The following ZNF608 variants were observed in gnomAD, a reference collection of about 807,000 sequenced individuals.
ZNF608 encodes the protein renal carcinoma antigen NY-REN-36.
In ZNF608, 12 loss-of-function variants were observed where a neutral mutation model predicts 109.0. That is an observed-to-expected ratio of 0.11 (90% CI 0.07 to 0.18). ZNF608 has a LOEUF of 0.18. Among genes scored for constraint, ZNF608 ranks in the 10% least tolerant of loss-of-function variants. The pLI, the probability that ZNF608 is intolerant of heterozygous loss-of-function variation, is 1.00. For missense variants in ZNF608, 1,707 were observed against 1,879.3 expected (o/e 0.91, Z 1.70); for synonymous variants, 732 against 717.4 (o/e 1.02, Z -0.33).
chr5:124,701,323 A>T, intron 2 of ZNF608, 54 bp from the exon 3 acceptor site: 2 of 1,593,426 alleles, frequency 1.3e-6, no homozygotes, highest in Non-Finnish European at 8.6e-7. Flanking sequence ...AATTCCTTTT[A>T]ATGCAATTTG....
intron 2 of ZNF608, among the ~76,000 whole-genome samples, chr5:124,740,569 T>C (rs1274429811): frequency 6.7e-6 from 1 of 149,756 alleles, no homozygotes; most frequent in Non-Finnish European, 1.5e-5. Context: ...GTTCTTAAAC[T>C]GCTCACACTC....
intron 8 of ZNF608, 132 bp from the exon 9 acceptor site, chr5:124,639,346 TGCA>T: frequency 1.4e-6 from 1 of 717,338 alleles, no homozygotes; most frequent in Non-Finnish European, 2.5e-6. Context: ...AACTGTTTCA[TGCA>T]GCAAGGACAC....
intron 2 of ZNF608, among the ~76,000 whole-genome samples, chr5:124,705,166 G>A (rs1042191744): frequency 6.6e-6 from 1 of 152,194 alleles, no homozygotes; most frequent in South Asian, 2.1e-4. Flanking sequence ...TCTCAGGTCA[G>A]TGATCCATAC....
At chr5:124,700,871 C>T in intron 3 of ZNF608, 143 bp downstream of exon 3, 1 of 1,163,198 alleles carries the variant, frequency 8.6e-7, no homozygotes, top group Non-Finnish European at 1.2e-6. Flanking sequence ...GCTCTTACTT[C>T]CAACACAAAT....
intron 3 of ZNF608, among the ~76,000 whole-genome samples, chr5:124,688,374 A>C (rs1398580399): frequency 6.6e-6 from 1 of 152,150 alleles, no homozygotes; most frequent in Non-Finnish European, 1.5e-5. Context: ...TTTTACTATA[A>C]GGAGAAAGTC....
At chr5:124,720,935 T>A (rs1753878386) in intron 2 of ZNF608, among the ~76,000 whole-genome samples, 1 of 151,776 alleles carries the variant, frequency 6.6e-6, no homozygotes, top group African/African-American at 2.4e-5. Flanking sequence ...TCTCTTACTT[T>A]TGAATAATGA....
chr5:124,708,635 G>A (rs1011271138), intron 2 of ZNF608: 1 of 445,222 alleles, frequency 2.2e-6, no homozygotes, highest in African/African-American at 2.0e-5. Flanking sequence ...TATTGTTGTT[G>A]TTTTAAATCA....
chr5:124,695,873 T>C (rs572950325), intron 3 of ZNF608, among the ~76,000 whole-genome samples: 2 of 151,890 alleles, frequency 1.3e-5, no homozygotes, highest in African/African-American at 4.8e-5. Flanking sequence ...TTTTAGAACA[T>C]CTCTGGTGAT....
chr5:124,660,359 T>G (rs898440689), intron 3 of ZNF608, among the ~76,000 whole-genome samples: 3 of 152,122 alleles, frequency 2.0e-5, no homozygotes, highest in African/African-American at 7.2e-5. Flanking sequence ...GAATGAGGCT[T>G]AAGTTGTTGG....
chr5:124,697,012 T>C (rs1752873876), intron 3 of ZNF608, among the ~76,000 whole-genome samples: 2 of 152,016 alleles, frequency 1.3e-5, no homozygotes, highest in African/African-American at 4.8e-5. Context: ...TAGTGGGTTT[T>C]AAAAGCTCCC....
At chr5:124,688,512 G>T (rs922312956) in intron 3 of ZNF608, among the ~76,000 whole-genome samples, 1 of 152,150 alleles carries the variant, frequency 6.6e-6, no homozygotes. Flanking sequence ...AACTGAGATG[G>T]GCAGTCTCAT....
At chr5:124,699,237 G>C (rs987526233) in intron 3 of ZNF608, among the ~76,000 whole-genome samples, 12 of 152,076 alleles carry the variant, frequency 7.9e-5, no homozygotes, top group African/African-American at 2.7e-4. Context: ...TTCCCTTAGA[G>C]AAAATCTAAG....
intron 7 of ZNF608, among the ~76,000 whole-genome samples, chr5:124,642,152 T>C (rs1269389931): frequency 6.6e-6 from 1 of 152,220 alleles, no homozygotes; most frequent in African/African-American, 2.4e-5. Flanking sequence ...CTCACACACA[T>C]TGCAGATACT....
intron 1 of ZNF608, among the ~76,000 whole-genome samples, chr5:124,745,826 C>T (rs962043400): frequency 6.6e-6 from 1 of 152,142 alleles, no homozygotes; most frequent in East Asian, 1.9e-4. Flanking sequence ...ACAGCTTCTA[C>T]AATTTCTTTT....
At chr5:124,713,523 T>C (rs1433706550) in intron 2 of ZNF608, among the ~76,000 whole-genome samples, 1 of 152,254 alleles carries the variant, frequency 6.6e-6, no homozygotes, top group African/African-American at 2.4e-5. Flanking sequence ...CATCAGTAGA[T>C]CTGTATTACC....
intron 3 of ZNF608, among the ~76,000 whole-genome samples, chr5:124,683,934 G>A (rs889111353): frequency 1.3e-5 from 2 of 152,182 alleles, no homozygotes; most frequent in African/African-American, 4.8e-5. Context: ...ATCAGATAAT[G>A]TCTTTAATGG....
intron 2 of ZNF608, among the ~76,000 whole-genome samples, chr5:124,729,509 G>A (rs1225524889): frequency 6.6e-6 from 1 of 152,184 alleles, no homozygotes; most frequent in Non-Finnish European, 1.5e-5. Context: ...CTTAAGAACA[G>A]AACATAGTAA....
chr5:124,718,456 C>T (rs1311723366), intron 2 of ZNF608, among the ~76,000 whole-genome samples: 1 of 152,166 alleles, frequency 6.6e-6, no homozygotes, highest in Non-Finnish European at 1.5e-5. Context: ...GATTTATAAG[C>T]AACACTGATT....
Position 124,701,170 on chromosome 5 carries a change from T to C in ZNF608, c.1006A>G (p.Ile336Val). 2.5e-6 allele frequency: 4 copies of C among 1,613,972 alleles called. No individual in the cohort carries two copies. The highest frequency in any genetic ancestry group is 3.4e-6 in the Non-Finnish European group (4 of 1,180,000). The change falls in exon 3 of 10, where the codon ATT becomes GTT. Residue 336 changes from isoleucine to valine, a missense_variant. By Grantham distance (29) the Ile-to-Val change is conservative (BLOSUM62 3). This residue lies in a region of ZNF608 where 407 missense variants were observed against 398.7 expected (regional missense o/e 1.02). Coordinates refer to ENST00000513986, the MANE Select transcript of ZNF608 (RefSeq NM_020747.3). ...AAAAGCTGTTCAACCGGTGCTGCAA[T>C]ATTGGATGAAGATGGGGAAAAGTAG... ...PSYFSPSSSN[I>V]AAPVEQLLVR...
Sources: gnomAD v4.1 joint callset for allele counts (sites outside exome capture counted in the v4.1 genomes callset) on GRCh38, gnomAD v4.1.1 for gene constraint, gnomAD v4.1.1 regional missense constraint, MANE v1.5 for transcripts, NCBI Gene and HGNC (gene_info 2026-07-23, HGNC 2026-07-21) for gene names.